The following KCNB2 variants were observed in gnomAD, a reference collection of about 807,000 sequenced individuals.
The protein encoded by KCNB2 is potassium voltage-gated channel subfamily B member 2.
A neutral mutation model predicts 61.5 loss-of-function variants in KCNB2; 15 were observed. The ratio of observed to expected loss-of-function variants is 0.24; its 90% CI spans 0.16 to 0.38. KCNB2 has a LOEUF of 0.38. Ranked by LOEUF, KCNB2 falls within the 10% of genes least tolerant of loss-of-function variation. KCNB2 has a pLI of 1.00. For missense variants in KCNB2, 828 were observed against 1,125.2 expected, an observed-to-expected ratio of 0.74 and a Z score of 3.78; for synonymous variants, 457 against 446.0, an observed-to-expected ratio of 1.02 and a Z score of -0.31.
chr8:72,662,445 C>T (rs551368554), intron 2 of KCNB2, among the ~76,000 whole-genome samples: 3 of 152,212 alleles, frequency 2.0e-5, no homozygotes, highest in South Asian at 2.1e-4. Flanking sequence ...ATGATAATAT[C>T]GCATGACACT....
intron 2 of KCNB2, among the ~76,000 whole-genome samples, chr8:72,715,165 T>A (rs562402612): frequency 1.3e-5 from 2 of 152,132 alleles, no homozygotes; most frequent in African/African-American, 4.8e-5. Context: ...GTAAAGCAAG[T>A]CCTTAGTGAC....
intron 2 of KCNB2, among the ~76,000 whole-genome samples, chr8:72,706,192 G>A (rs1807220634): frequency 6.6e-6 from 1 of 152,224 alleles, no homozygotes; most frequent in Non-Finnish European, 1.5e-5. Context: ...AAACCCTTCT[G>A]AAGAAAGACT....
At chr8:72,882,723 G>A (rs1323197518) in intron 2 of KCNB2, among the ~76,000 whole-genome samples, 1 of 147,934 alleles carries the variant, frequency 6.8e-6, no homozygotes, top group African/African-American at 2.6e-5. Flanking sequence ...AGAATGAATA[G>A]GAAAAAGAAA....
intron 2 of KCNB2, among the ~76,000 whole-genome samples, chr8:72,753,923 G>A (rs983427209): frequency 1.3e-5 from 2 of 152,162 alleles, no homozygotes; most frequent in African/African-American, 4.8e-5. Flanking sequence ...ATTTGAATCT[G>A]TGAGAACTGG....
At position 72,936,688 on chromosome 8, in the gene KCNB2, A is replaced by G; in HGVS notation, c.1333A>G (p.Arg445Gly). The change falls in exon 3 of 3, where the codon AGG becomes GGG. Residue 445 changes from arginine (R) to glycine (G), a missense_variant. Physicochemically the swap from Arg to Gly is moderately radical, Grantham distance 125. Around this residue, in one of 4 missense-constraint regions of KCNB2, gnomAD observed 559 missense variants for 588.4 expected, o/e 0.95. Coordinates refer to ENST00000523207, the MANE Select transcript of KCNB2 (RefSeq NM_004770.3). The surrounding 1 kb of genome is among the most constrained non-coding windows in gnomAD (Gnocchi z 5.6). ...GAGGGAGGCTCTTGAGCGGGCCAAA[A>G]GGAACGGAAGCATCGTTTCTATGAA... ...KRREALERAKRNGSIVSMNLK... is the reference protein window; with the variant it reads ...KRREALERAKGNGSIVSMNLK... 1 of 1,614,200 alleles carries G rather than the reference A, an allele frequency of 6.2e-7. No individual in the cohort carries two copies. Among genetic ancestry groups the G allele is most frequent in the South Asian group, 1.1e-5 (1 of 91,082 alleles).
At chr8:72,779,570 A>G (rs2128997797) in intron 2 of KCNB2, among the ~76,000 whole-genome samples, 1 of 152,334 alleles carries the variant, frequency 6.6e-6, no homozygotes, top group East Asian at 1.9e-4. Context: ...TGGTTCTTCA[A>G]TTCTGATCCT....
chr8:72,887,153 G>A (rs1805820179), intron 2 of KCNB2, among the ~76,000 whole-genome samples: 1 of 152,176 alleles, frequency 6.6e-6, no homozygotes, highest in Non-Finnish European at 1.5e-5. Flanking sequence ...GTTAGATCCT[G>A]AGTATAGACC....
At chr8:72,640,963 G>A (rs1051563870) in intron 2 of KCNB2, among the ~76,000 whole-genome samples, 3 of 152,124 alleles carry the variant, frequency 2.0e-5, no homozygotes, top group Non-Finnish European at 4.4e-5. Context: ...TACATGGTAA[G>A]TATTCATACT....
chr8:72,702,609 C>A (rs1331317620), intron 2 of KCNB2, among the ~76,000 whole-genome samples: 1 of 152,012 alleles, frequency 6.6e-6, no homozygotes, highest in Non-Finnish European at 1.5e-5. Flanking sequence ...TCTCAGACCA[C>A]CACTCTTGGA....
chr8:72,757,418 G>A (rs1479685257), intron 2 of KCNB2, among the ~76,000 whole-genome samples: 1 of 152,118 alleles, frequency 6.6e-6, no homozygotes, highest in African/African-American at 2.4e-5. Context: ...GATGCTCAGT[G>A]GTACCTGGAG....
intron 2 of KCNB2, among the ~76,000 whole-genome samples, chr8:72,634,336 A>G (rs1805932121): frequency 6.6e-6 from 1 of 152,192 alleles, no homozygotes; most frequent in African/African-American, 2.4e-5. Flanking sequence ...TTAAACACTA[A>G]CATGCTCATG....
At chr8:72,790,496 G>A (rs867366399) in intron 2 of KCNB2, among the ~76,000 whole-genome samples, 1 of 152,114 alleles carries the variant, frequency 6.6e-6, no homozygotes, top group Non-Finnish European at 1.5e-5. Flanking sequence ...AAGTGGCGTC[G>A]TTAGAATGTG....
intron 2 of KCNB2, among the ~76,000 whole-genome samples, chr8:72,749,783 TTATATATAA>T (rs200700859): frequency 0.021 from 3,137 of 146,696 alleles, 70 homozygotes; most frequent in African/African-American, 0.054. Flanking sequence ...TATACAAATA[TTATATATAA>T]TATATATAAT....
intron 2 of KCNB2, among the ~76,000 whole-genome samples, chr8:72,929,031 G>C (rs1264422952): frequency 6.6e-6 from 1 of 152,010 alleles, no homozygotes; most frequent in African/African-American, 2.4e-5. Flanking sequence ...TTCTGCACTT[G>C]GCAGGATGCT....
At position 72,862,555 on chromosome 8, in the gene KCNB2, C is replaced by A. The variant is rs941092185; in HGVS notation, c.580-73380C>A. Among the ~76,000 whole-genome samples the A allele has an allele frequency of 3.3e-5, 5 of 152,188 alleles. No individual in the cohort carries two copies. The South Asian group carries it at 1.0e-3, about 32-fold the overall frequency. On this transcript the variant is annotated intron_variant, in intron 2 of 2. Coordinates refer to ENST00000523207, the MANE Select transcript of KCNB2 (RefSeq NM_004770.3). Reference sequence around the variant, plus strand: ...TTCTAAGATCACTTTTATTGAGAATCTTTTCCTTTTGTAAATCTAGGTCAT... The same window carrying A: ...TTCTAAGATCACTTTTATTGAGAATATTTTCCTTTTGTAAATCTAGGTCAT...
intron 2 of KCNB2, among the ~76,000 whole-genome samples, chr8:72,849,526 A>C (rs920355621): frequency 6.6e-6 from 1 of 152,194 alleles, no homozygotes; most frequent in African/African-American, 2.4e-5. Flanking sequence ...TATTGTATGA[A>C]TATAAAACTC....
At chr8:72,872,539 G>T (rs1177138356) in intron 2 of KCNB2, among the ~76,000 whole-genome samples, 1 of 152,180 alleles carries the variant, frequency 6.6e-6, no homozygotes, top group Non-Finnish European at 1.5e-5. Context: ...AAGGAAGCTT[G>T]TAGATTTCTC....
chr8:72,605,350 G>T (rs549205566), intron 2 of KCNB2, among the ~76,000 whole-genome samples: 1 of 152,242 alleles, frequency 6.6e-6, no homozygotes, highest in South Asian at 2.1e-4. Context: ...ATCATTAGGG[G>T]TTTGTAGTGT....
chr8:72,868,403 C>A (rs1805565931), intron 2 of KCNB2, among the ~76,000 whole-genome samples: 1 of 151,646 alleles, frequency 6.6e-6, no homozygotes, highest in South Asian at 2.1e-4. Context: ...CATGGTGAAA[C>A]CCCGTCTCTA....
Sources: gnomAD v4.1 joint callset for allele counts (sites outside exome capture counted in the v4.1 genomes callset) on GRCh38, gnomAD v4.1.1 for gene constraint, gnomAD v4.1.1 regional missense constraint, Gnocchi (gnomAD v3.1) non-coding constraint, MANE v1.5 for transcripts, NCBI Gene and HGNC (gene_info 2026-07-23, HGNC 2026-07-21) for gene names.